CARM1: variants seen among roughly 807,000 people sequenced by gnomAD.
The protein encoded by CARM1 is histone-arginine methyltransferase CARM1.
Under a neutral mutation model 72.7 loss-of-function variants are expected in CARM1, and 14 were observed. The ratio of observed to expected loss-of-function variants is 0.19; its 90% confidence interval spans 0.13 to 0.30. The LOEUF (loss-of-function observed/expected upper bound fraction) is 0.30, where lower values mean the gene tolerates loss of function less well. Ranked by LOEUF, CARM1 falls within the 10% of genes least tolerant of loss-of-function variation. The pLI is 1.00. For synonymous variants in CARM1, 333 were observed against 345.5 expected, an observed-to-expected ratio of 0.96 and a Z score of 0.40; for missense variants, 432 against 833.7, an observed-to-expected ratio of 0.52 and a Z score of 5.93.
In CARM1 at chr19:10,916,794, G is replaced by A. The variant is rs950504458; in HGVS notation, c.1020+17G>A. 2.0e-6 allele frequency: 3 copies of A among 1,529,346 alleles called. No homozygotes were observed. Among genetic ancestry groups the A allele is most frequent in the Non-Finnish European group, 2.7e-6 (3 of 1,127,900 alleles). 94.7% of individuals were successfully genotyped at this position (1,529,346 alleles called of 1,614,324 possible). ...CCTGTGGTGGTGAGTAGGGCCTCCA[G>A]GGTACTGCTGCAGTGATCACTTGCC... is the stretch of plus-strand genomic sequence containing the variant. On this transcript the variant is annotated intron_variant, in intron 8 of 15. Transcript: ENST00000327064. The surrounding 1 kb of genome is among the most constrained non-coding windows in gnomAD (Gnocchi z 4.4).
At position 10,871,589 on chromosome 19, in the gene CARM1, A is replaced by AGCGGCGGCGGTAGCGGCAGCG. The variant is rs2073813296; in HGVS notation, c.-104_-103insTAGCGGCAGCGGCGGCGGCGG. The AGCGGCGGCGGTAGCGGCAGCG allele has an allele frequency of 8.5e-6, 1 of 117,074 alleles. No individual in the cohort carries two copies. The highest frequency in any genetic ancestry group is 2.9e-4 in the South Asian group (1 of 3,492). The allele number at this position is 117,074 out of a possible 1,614,324, so 7.3% of individuals were successfully genotyped here. A position where few individuals can be genotyped will look rare whatever the true frequency, so the allele number is the denominator to read the frequency against. ...CGGCGGCTGCGGCGGCGGTAGCGGC[A>AGCGGCGGCGGTAGCGGCAGCG]GCGGCGGCGGCGGCGGCGGCGGCGG... is the stretch of plus-strand genomic sequence containing the variant. On this transcript the variant is annotated 5_prime_UTR_variant, in exon 1 of 16. Transcript: ENST00000327064. This position sits in a 1 kb window ranked among gnomAD's most constrained non-coding sequence, Gnocchi z 5.6.
intron 2 of CARM1, among the ~76,000 whole-genome samples, chr19:10,905,531 G>T (rs1357346599): frequency 6.6e-6 from 1 of 152,214 alleles, no homozygotes; most frequent in African/African-American, 2.4e-5. Flanking sequence ...AGGGGTGGGA[G>T]AACCCCAGGT....
chr19:10,874,552 G>A (rs908334694), intron 1 of CARM1, among the ~76,000 whole-genome samples: 2 of 151,750 alleles, frequency 1.3e-5, no homozygotes, highest in Non-Finnish European at 2.9e-5. Context: ...GCCACACCCA[G>A]CTAATCTTTC....
At chr19:10,900,974 C>T (rs1201371289) in intron 1 of CARM1, among the ~76,000 whole-genome samples, 2 of 151,738 alleles carry the variant, frequency 1.3e-5, no homozygotes, top group East Asian at 1.9e-4. Flanking sequence ...TGAGCCACTG[C>T]ACCCGGACTT....
intron 1 of CARM1, among the ~76,000 whole-genome samples, chr19:10,902,997 A>G (rs2074077589): frequency 6.6e-6 from 1 of 152,094 alleles, no homozygotes. Flanking sequence ...TTTAGCTCTT[A>G]TATTTAGGTC....
chr19:10,874,443 G>A (rs2146294323), intron 1 of CARM1, among the ~76,000 whole-genome samples: 1 of 150,882 alleles, frequency 6.6e-6, no homozygotes, highest in South Asian at 2.1e-4. Context: ...TCAGACTGGA[G>A]TGCAGTGGTA....
chr19:10,919,084 C>T (rs1409865313), intron 8 of CARM1: 1 of 153,748 alleles, frequency 6.5e-6, no homozygotes, highest in Non-Finnish European at 1.4e-5. Flanking sequence ...CCTGCCTCAG[C>T]CTCCTGAGTA....
intron 1 of CARM1, among the ~76,000 whole-genome samples, chr19:10,890,413 G>A (rs940345874): frequency 7.3e-5 from 11 of 150,080 alleles, no homozygotes; most frequent in African/African-American, 2.7e-4. Context: ...GATTACAGGC[G>A]CCCACCACTA....
Position 10,920,463 on chromosome 19 carries a change from G to A in CARM1, c.1224G>A (p.Pro408=), listed in dbSNP as rs199558419. Residue 408 remains proline (P), a synonymous_variant, in exon 11 of 16, where the codon CCG becomes CCA. Coordinates refer to ENST00000327064, the MANE Select transcript of CARM1 (RefSeq NM_199141.2). The surrounding 1 kb of genome is among the most constrained non-coding windows in gnomAD (Gnocchi z 5.3). ...TGACCGTGTGGCTGTCCACAGCCCC[G>A]ACAGAGCCCCTGACCCACTGGTACC... ...SIMTVWLSTA[P]TEPLTHWYQV... is the part of the protein sequence containing the mutation. 5.4e-5 allele frequency: 87 copies of A among 1,613,200 alleles called. No individual in the cohort carries two copies. Among genetic ancestry groups the A allele is most frequent in the Middle Eastern group, 3.3e-4 (2 of 6,014 alleles).
chr19:10,882,493 C>T (rs952700895), intron 1 of CARM1, among the ~76,000 whole-genome samples: 1 of 151,076 alleles, frequency 6.6e-6, no homozygotes, highest in Admixed American at 6.6e-5. Context: ...CAGAGCCCTG[C>T]CCAAGTCGGA....
chr19:10,895,024 C>T (rs577167456), intron 1 of CARM1, among the ~76,000 whole-genome samples: 4 of 152,212 alleles, frequency 2.6e-5, no homozygotes, highest in South Asian at 2.1e-4. Context: ...GGATTACAGG[C>T]GGGAGCCACT....
At chr19:10,874,734 G>A (rs2073850008) in intron 1 of CARM1, among the ~76,000 whole-genome samples, 1 of 152,180 alleles carries the variant, frequency 6.6e-6, no homozygotes, top group South Asian at 2.1e-4. Context: ...AAAAACATGG[G>A]TTCTTGGCCA....
Position 10,889,025 on chromosome 19 carries a change from A to C in CARM1, c.221-15926A>C, listed in dbSNP as rs150850889. Among the ~76,000 whole-genome samples the C allele has an allele frequency of 4.5e-3, 678 of 152,274 alleles. 6 individuals are homozygous for C. The highest frequency in any genetic ancestry group is 0.014 in the African/African-American group (588 of 41,574). ...TGAGTGCCCCCCAGGCCTCTGACTG[A>C]AGAAGCTTCACAGTGATTTATGAGG... On this transcript the variant is annotated intron_variant, in intron 1 of 15. Transcript: ENST00000327064.
intron 1 of CARM1, among the ~76,000 whole-genome samples, chr19:10,904,722 C>T (rs2074090188): frequency 6.6e-6 from 1 of 152,240 alleles, no homozygotes; most frequent in Non-Finnish European, 1.5e-5. Flanking sequence ...CAGCCCTGAT[C>T]ATCCTGAGGA....
At position 10,919,578 on chromosome 19, in the gene CARM1, C is replaced by G; in HGVS notation, c.1021-17C>G. 1.9e-6 allele frequency: 3 copies of G among 1,596,888 alleles called. No homozygotes were observed. The highest frequency in any genetic ancestry group is 2.6e-6 in the Non-Finnish European group (3 of 1,164,730). The stretch of plus-strand genomic sequence containing the variant: ...CCCTGGCGTCAGATGCCACGTCACA[C>G]CTGTGGTCTCTCCCAGGACACATTT... On this transcript the variant is annotated splice_polypyrimidine_tract_variant and intron_variant, in intron 8 of 15. Transcript: ENST00000327064.
intron 4 of CARM1, among the ~76,000 whole-genome samples, chr19:10,909,821 A>G (rs1365314853): frequency 6.6e-6 from 1 of 152,240 alleles, no homozygotes; most frequent in Admixed American, 6.5e-5. Flanking sequence ...CATGTACATT[A>G]TAGGCTTGAG....
chr19:10,893,745 G>A (rs1243237702), intron 1 of CARM1, among the ~76,000 whole-genome samples: 1 of 152,232 alleles, frequency 6.6e-6, no homozygotes, highest in Non-Finnish European at 1.5e-5. Context: ...CTCTGACCTA[G>A]TGAAGTTCCA....
intron 1 of CARM1, among the ~76,000 whole-genome samples, chr19:10,888,604 G>A (rs1410332884): frequency 6.6e-6 from 1 of 152,154 alleles, no homozygotes; most frequent in Non-Finnish European, 1.5e-5. Flanking sequence ...GAGGGGGCTG[G>A]TGCAGGCCGG....
chr19:10,884,059 C>T (rs1293680187), intron 1 of CARM1, among the ~76,000 whole-genome samples: 3 of 120,666 alleles, frequency 2.5e-5, no homozygotes, highest in East Asian at 2.7e-4. Flanking sequence ...TTTTTAATTA[C>T]GGGCCAGGTG....
Sources: allele counts gnomAD v4.1 joint callset (sites outside exome capture counted in the v4.1 genomes callset), GRCh38; gene constraint gnomAD v4.1.1; non-coding constraint Gnocchi (gnomAD v3.1); transcripts MANE v1.5; gene names NCBI Gene and HGNC (gene_info 2026-07-23, HGNC 2026-07-21).